CCDC170: variants seen among roughly 807,000 people sequenced by gnomAD.
CCDC170 encodes coiled-coil domain-containing protein 170.
CCDC170 carries 69 observed loss-of-function variants against 72.6 expected under a neutral mutation model. The ratio of observed to expected loss-of-function variants is 0.95; its 90% CI spans 0.78 to 1.16. The LOEUF (loss-of-function observed/expected upper bound fraction) is 1.16, where lower values mean the gene tolerates loss of function less well. Among genes scored for constraint, CCDC170 ranks in the 50% most tolerant of loss-of-function variants. The probability of loss-of-function intolerance (pLI) is 0.00; values close to 1 mark genes in which losing one functional copy is unlikely to be tolerated. For missense variants in CCDC170, 852 were observed against 832.5 expected (o/e 1.02, Z -0.29); for synonymous variants, 300 against 303.9 (o/e 0.99, Z 0.13).
In CCDC170 at chr6:151,494,189, C is replaced by T; in HGVS notation, c.57+4C>T. On this transcript the variant is annotated splice_donor_region_variant and intron_variant, in intron 1 of 10. Transcript: ENST00000239374. The stretch of plus-strand genomic sequence containing the variant: ...TGCCGCTTCGCCAGCGCCCGAGGTA[C>T]GGTCCCAGCCGCCGGCCGCGCGCGG... The T allele has an allele frequency of 1.3e-6, 2 of 1,506,142 alleles. No individual in the cohort carries two copies. Among genetic ancestry groups the T allele is most frequent in the Non-Finnish European group, 1.8e-6 (2 of 1,130,258 alleles). 93.3% of individuals were successfully genotyped at this position (1,506,142 alleles called of 1,614,324 possible). A position where few individuals can be genotyped will look rare whatever the true frequency, so the allele number is the denominator to read the frequency against.
chr6:151,562,556 G>A (rs1371793429), intron 5 of CCDC170, among the ~76,000 whole-genome samples: 1 of 151,986 alleles, frequency 6.6e-6, no homozygotes, highest in Admixed American at 6.6e-5. Context: ...CTGTATTTTG[G>A]CTGTAAGAAC....
At chr6:151,547,538 A>G (rs1184511114) in intron 4 of CCDC170, among the ~76,000 whole-genome samples, 5 of 152,036 alleles carry the variant, frequency 3.3e-5, no homozygotes, top group Admixed American at 2.0e-4. Flanking sequence ...AGGGAACAGC[A>G]TGAGTTGGGA....
chr6:151,550,354 G>C (rs1177962533), intron 5 of CCDC170, among the ~76,000 whole-genome samples: 2 of 152,206 alleles, frequency 1.3e-5, no homozygotes, highest in Non-Finnish European at 2.9e-5. Flanking sequence ...ACAGGCTGAG[G>C]AGGGGCCTGG....
intron 5 of CCDC170, among the ~76,000 whole-genome samples, chr6:151,571,297 A>G (rs1776215250): frequency 6.9e-6 from 1 of 145,106 alleles, no homozygotes; most frequent in Non-Finnish European, 1.5e-5. Flanking sequence ...AGTGCTTTTT[A>G]CCTCTAACAT....
chr6:151,586,759 A>G (rs1776456375), intron 7 of CCDC170, among the ~76,000 whole-genome samples: 1 of 151,818 alleles, frequency 6.6e-6, no homozygotes, highest in African/African-American at 2.4e-5. Flanking sequence ...GCATTGCAGT[A>G]TTTTATTTTA....
intron 1 of CCDC170, among the ~76,000 whole-genome samples, chr6:151,526,743 G>A (rs907493286): frequency 2.0e-5 from 3 of 152,040 alleles, no homozygotes; most frequent in African/African-American, 7.2e-5. Flanking sequence ...TGATTTTTAG[G>A]TGAGGGAATA....
intron 7 of CCDC170, among the ~76,000 whole-genome samples, chr6:151,588,277 A>G (rs1776484027): frequency 6.6e-6 from 1 of 151,944 alleles, no homozygotes; most frequent in African/African-American, 2.4e-5. Flanking sequence ...CGTAAAATAC[A>G]CTAACAGTAG....
At chr6:151,558,057 C>T (rs1363023478) in intron 5 of CCDC170, among the ~76,000 whole-genome samples, 3 of 151,972 alleles carry the variant, frequency 2.0e-5, no homozygotes, top group African/African-American at 7.3e-5. Context: ...CGAGATTGCG[C>T]CACTGCACTC....
At chr6:151,501,052 G>A (rs993282652) in intron 1 of CCDC170, among the ~76,000 whole-genome samples, 5 of 152,218 alleles carry the variant, frequency 3.3e-5, no homozygotes, top group Admixed American at 2.0e-4. Context: ...GAAATAATAA[G>A]CCAGACAAAA....
At chr6:151,554,295 A>G (rs73783062) in intron 5 of CCDC170, among the ~76,000 whole-genome samples, 3,061 of 152,322 alleles carry the variant, frequency 0.02, 103 homozygotes, top group African/African-American at 0.07. Flanking sequence ...TCAGAAACTA[A>G]ACTTCCATGT....
rs1776260700 is a variant in CCDC170 at position 151,573,565 on chromosome 6, A to G, written c.1092+74A>G. On this transcript the variant is annotated intron_variant, in intron 6 of 10. Coordinates refer to ENST00000239374, the MANE Select transcript of CCDC170 (RefSeq NM_025059.4). The stretch of plus-strand genomic sequence containing the variant: ...TTCATTTAGCATGCTCAGTGACTGT[A>G]TTAGTCTATTCTCACGCTGCTATAA... The G allele has an allele frequency of 1.5e-5, 20 of 1,367,098 alleles. No homozygotes were observed. In the East Asian group the frequency reaches 3.9e-4, roughly 27 times the overall value. 84.7% of individuals were successfully genotyped at this position (1,367,098 alleles called of 1,614,324 possible). A position where few individuals can be genotyped will look rare whatever the true frequency, so the allele number is the denominator to read the frequency against.
intron 10 of CCDC170, among the ~76,000 whole-genome samples, chr6:151,617,408 CTTTTTTTTTTTTTTTTTTTTTTT>C (rs745655791): frequency 7.7e-5 from 7 of 91,464 alleles, no homozygotes; most frequent in African/African-American, 2.0e-4. Context: ...GCTGTTTGTT[CTTTTTTTTTTTTTTTTTTTTTTT>C]TTTTTTTTTT....
chr6:151,584,174 T>C (rs1776418163), intron 6 of CCDC170, among the ~76,000 whole-genome samples: 1 of 152,208 alleles, frequency 6.6e-6, no homozygotes, highest in Non-Finnish European at 1.5e-5. Flanking sequence ...CGAAGAGCAA[T>C]AAAGTAAGTG....
intron 9 of CCDC170, among the ~76,000 whole-genome samples, chr6:151,599,459 T>C (rs1007789713): frequency 6.6e-6 from 1 of 151,838 alleles, no homozygotes; most frequent in African/African-American, 2.4e-5. Context: ...CAATAATAGG[T>C]GAATAGGAGG....
chr6:151,544,230 A>G (rs1438577586), intron 3 of CCDC170, among the ~76,000 whole-genome samples: 1 of 152,164 alleles, frequency 6.6e-6, no homozygotes, highest in Non-Finnish European at 1.5e-5. Context: ...ACCCATGGCT[A>G]TGTGGATTGT....
At chr6:151,498,023 G>A (rs1781936585) in intron 1 of CCDC170, among the ~76,000 whole-genome samples, 1 of 150,972 alleles carries the variant, frequency 6.6e-6, no homozygotes, top group Admixed American at 6.6e-5. Context: ...GCAAAAAGCT[G>A]TAGCAATAGT....
intron 5 of CCDC170, among the ~76,000 whole-genome samples, chr6:151,558,846 CT>C (rs927065799): frequency 6.6e-6 from 1 of 151,944 alleles, no homozygotes; most frequent in African/African-American, 2.4e-5. Context: ...CAGCTTTGTT[CT>C]TTTTGCTCAG....
intron 4 of CCDC170, among the ~76,000 whole-genome samples, chr6:151,546,257 C>G (rs546978563): frequency 6.6e-6 from 1 of 152,284 alleles, no homozygotes; most frequent in South Asian, 2.1e-4. Flanking sequence ...CTGGATGCCT[C>G]TCCTCCTCCC....
chr6:151,554,874 T>G (rs1297777608), intron 5 of CCDC170, among the ~76,000 whole-genome samples: 4 of 117,498 alleles, frequency 3.4e-5, no homozygotes, highest in African/African-American at 1.4e-4. Flanking sequence ...GGACCTCAGT[T>G]TTTTTTTTTT....
Sources: gnomAD v4.1 joint callset for allele counts (sites outside exome capture counted in the v4.1 genomes callset) on GRCh38, gnomAD v4.1.1 for gene constraint, MANE v1.5 for transcripts, NCBI Gene and HGNC (gene_info 2026-07-23, HGNC 2026-07-21) for gene names.